Variants in ULK4 observed in about 807,000 individuals in gnomAD.
ULK4 encodes the protein inactive serine/threonine-protein kinase ULK4.
A neutral mutation model predicts 160.6 loss-of-function variants in ULK4; 133 were observed. The ratio of observed to expected loss-of-function variants is 0.83; its 90% CI spans 0.72 to 0.96. The LOEUF is 0.96. Ranked by LOEUF, ULK4 falls within the 40% of genes least tolerant of loss-of-function variation. The pLI is 0.00. For synonymous variants in ULK4, 534 were observed against 539.8 expected (o/e 0.99, Z 0.15); for missense variants, 1,580 against 1,499.5 (o/e 1.05, Z -0.89).
intron 30 of ULK4, among the ~76,000 whole-genome samples, chr3:41,650,062 T>C (rs2034678323): frequency 6.6e-6 from 1 of 152,018 alleles, no homozygotes; most frequent in African/African-American, 2.4e-5. Context: ...GGAAGGGAGC[T>C]ACCCACCACA....
intron 35 of ULK4, among the ~76,000 whole-genome samples, chr3:41,329,676 C>T (rs2080405711): frequency 6.6e-6 from 1 of 152,144 alleles, no homozygotes; most frequent in South Asian, 2.1e-4. Flanking sequence ...AAGAACTGCA[C>T]AGTATTCCAC....
At chr3:41,644,870 A>G (rs1041654643) in intron 30 of ULK4, among the ~76,000 whole-genome samples, 1 of 152,158 alleles carries the variant, frequency 6.6e-6, no homozygotes, top group Non-Finnish European at 1.5e-5. Context: ...ACAATTTCAG[A>G]TACTGTTACT....
intron 30 of ULK4, among the ~76,000 whole-genome samples, chr3:41,637,405 T>C (rs532698811): frequency 2.6e-5 from 4 of 152,338 alleles, no homozygotes; most frequent in African/African-American, 7.2e-5. Flanking sequence ...TAGTATTCTA[T>C]TGTGTATATC....
intron 28 of ULK4, 41 bp from the exon 29 acceptor site, chr3:41,681,693 A>G (rs1396158870): frequency 5.0e-6 from 8 of 1,613,660 alleles, no homozygotes; most frequent in Non-Finnish European, 6.8e-6. Flanking sequence ...GACTCCATGG[A>G]GACAGAATGA....
At chr3:41,905,178 C>CAT (rs1698508700) in intron 12 of ULK4, among the ~76,000 whole-genome samples, 1 of 152,176 alleles carries the variant, frequency 6.6e-6, no homozygotes, top group Non-Finnish European at 1.5e-5. Context: ...TAAACCTTCA[C>CAT]ATATACAGTC....
intron 29 of ULK4, among the ~76,000 whole-genome samples, chr3:41,678,144 C>T (rs542923937): frequency 2.2e-4 from 33 of 150,948 alleles, no homozygotes; most frequent in East Asian, 1.2e-3. Context: ...TGTAATCACG[C>T]GAGCCGGTTT....
At chr3:41,830,163 G>A (rs141856172) in intron 18 of ULK4, among the ~76,000 whole-genome samples, 1,909 of 152,208 alleles carry the variant, frequency 0.013, 39 homozygotes, top group African/African-American at 0.041. Context: ...GGGGGAGTGG[G>A]GAGGGATAGC....
At chr3:41,407,606 T>C (rs991758833) in intron 34 of ULK4, among the ~76,000 whole-genome samples, 13 of 152,222 alleles carry the variant, frequency 8.5e-5, no homozygotes, top group African/African-American at 2.2e-4. Flanking sequence ...GCAATAGCAA[T>C]AGAATAAAGA....
rs144299471 is a variant in ULK4, at chr3:41,955,057, G to A, written c.-48-250C>T. Among the ~76,000 whole-genome samples the A allele has an allele frequency of 7.8e-3, 1,189 of 152,322 alleles. 46 individuals are homozygous for A. The East Asian group carries it at 0.13, about 16-fold the overall frequency. ...TGTAATCCCAGCACTTTGGGAGGCC[G>A]AGGCAGGGGGATCACCTGAGGTCAG... is the stretch of plus-strand genomic sequence containing the variant. On this transcript the variant is annotated intron_variant, in intron 1 of 36. Transcript: ENST00000301831.
intron 29 of ULK4, among the ~76,000 whole-genome samples, chr3:41,666,434 G>A (rs2035352754): frequency 6.6e-6 from 1 of 152,200 alleles, no homozygotes. Context: ...CACATGATGA[G>A]TTAACCCTTT....
chr3:41,670,459 T>C (rs553642274), intron 29 of ULK4, among the ~76,000 whole-genome samples: 6 of 152,216 alleles, frequency 3.9e-5, no homozygotes, highest in South Asian at 2.1e-4. Flanking sequence ...CTCTGGTGTT[T>C]TGCATGGATA....
rs73827999 is a variant in ULK4, at chr3:41,287,485, G to T, written c.3679-37911C>A. On this transcript the variant is annotated intron_variant, in intron 35 of 36. Transcript: ENST00000301831. ...GCTTATCTTCATATTGATTTTTCTT[G>T]GTCCAAAATTCAGAAACAAAATAAG... is the stretch of plus-strand genomic sequence containing the variant. Among the ~76,000 whole-genome samples the T allele has an allele frequency of 5.3e-3, 811 of 152,158 alleles. 13 individuals carry two copies. The highest frequency in any genetic ancestry group is 0.019 in the African/African-American group (770 of 41,474).
chr3:41,491,698 T>C (rs1192916602), intron 32 of ULK4, among the ~76,000 whole-genome samples: 3 of 28,766 alleles, frequency 1.0e-4, no homozygotes, highest in African/African-American at 1.7e-4. Context: ...AGAATTTTTA[T>C]ATTTTTTTTT....
At chr3:41,413,095 G>C (rs1425478016) in intron 34 of ULK4, among the ~76,000 whole-genome samples, 1 of 152,102 alleles carries the variant, frequency 6.6e-6, no homozygotes, top group Non-Finnish European at 1.5e-5. Flanking sequence ...GAAGGTGAAA[G>C]GTACATCTCA....
chr3:41,583,825 T>C (rs1273144889), intron 31 of ULK4, among the ~76,000 whole-genome samples: 1 of 152,236 alleles, frequency 6.6e-6, no homozygotes, highest in African/African-American at 2.4e-5. Context: ...GGGTATGGCA[T>C]GGTGAATTGT....
At chr3:41,729,961 A>G (rs1410196977) in intron 22 of ULK4, among the ~76,000 whole-genome samples, 1 of 152,270 alleles carries the variant, frequency 6.6e-6, no homozygotes, top group Non-Finnish European at 1.5e-5. Flanking sequence ...TTTTCTGACT[A>G]TAATGAAATA....
intron 35 of ULK4, among the ~76,000 whole-genome samples, chr3:41,357,326 A>T (rs2081048834): frequency 6.6e-6 from 1 of 152,184 alleles, no homozygotes; most frequent in African/African-American, 2.4e-5. Context: ...CTCAAGAAAG[A>T]TATCATAGGA....
At chr3:41,294,451 C>G (rs1017659451) in intron 35 of ULK4, among the ~76,000 whole-genome samples, 2 of 152,202 alleles carry the variant, frequency 1.3e-5, no homozygotes, top group African/African-American at 4.8e-5. Flanking sequence ...ATTAAGACAA[C>G]AGATCATTTG....
intron 35 of ULK4, among the ~76,000 whole-genome samples, chr3:41,342,668 T>C (rs2080711402): frequency 6.6e-6 from 1 of 152,198 alleles, no homozygotes; most frequent in Non-Finnish European, 1.5e-5. Context: ...CCCTAACTCA[T>C]TCTATGAGGC....
Sources: allele counts gnomAD v4.1 joint callset (sites outside exome capture counted in the v4.1 genomes callset), GRCh38; gene constraint gnomAD v4.1.1; transcripts MANE v1.5; gene names NCBI Gene and HGNC (gene_info 2026-07-23, HGNC 2026-07-21).